GFRA1: variants seen among roughly 807,000 people sequenced by gnomAD.
The protein encoded by GFRA1 is GDNF family receptor alpha 1.
Under a neutral mutation model 51.6 loss-of-function variants are expected in GFRA1, and 16 were observed. The ratio of observed to expected loss-of-function variants is 0.31; its 90% CI spans 0.21 to 0.47. The LOEUF is 0.47. GFRA1 is among the 20% of genes least tolerant of loss of function. GFRA1 has a pLI of 1.00. For synonymous variants in GFRA1, 270 were observed against 241.3 expected, an observed-to-expected ratio of 1.12 and a Z score of -1.10; for missense variants, 530 against 594.3, an observed-to-expected ratio of 0.89 and a Z score of 1.13.
At chr10:116,261,756 C>A (rs141186099) in intron 4 of GFRA1, among the ~76,000 whole-genome samples, 1 of 152,142 alleles carries the variant, frequency 6.6e-6, no homozygotes, top group Non-Finnish European at 1.5e-5. Context: ...ATATACGGGC[C>A]CTTCAAAAAG....
chr10:116,065,933 C>T (rs1955088977), intron 9 of GFRA1, among the ~76,000 whole-genome samples: 1 of 152,174 alleles, frequency 6.6e-6, no homozygotes, highest in Non-Finnish European at 1.5e-5. Flanking sequence ...TGGCATGGAA[C>T]ATCTCAATTC....
chr10:116,150,565 T>C (rs1959020597), intron 5 of GFRA1, among the ~76,000 whole-genome samples: 1 of 152,238 alleles, frequency 6.6e-6, no homozygotes. Flanking sequence ...CCAGTGGCAC[T>C]TGTGGCTGCA....
intron 5 of GFRA1, among the ~76,000 whole-genome samples, chr10:116,202,559 T>G (rs1964421592): frequency 6.6e-6 from 1 of 152,122 alleles, no homozygotes; most frequent in South Asian, 2.1e-4. Context: ...AGACTTTCAC[T>G]GACCCACAGG....
chr10:116,117,128 T>A, intron 6 of GFRA1, among the ~76,000 whole-genome samples: 1 of 152,204 alleles, frequency 6.6e-6, no homozygotes, highest in Admixed American at 6.5e-5. Context: ...GCCACTCCAC[T>A]GATCATCCCC....
intron 9 of GFRA1, among the ~76,000 whole-genome samples, chr10:116,079,075 C>T (rs946937028): frequency 5.9e-5 from 9 of 152,058 alleles, no homozygotes; most frequent in Middle Eastern, 3.4e-3. Flanking sequence ...AATCATCCAG[C>T]GCGCTGGATG....
intron 6 of GFRA1, among the ~76,000 whole-genome samples, chr10:116,111,909 G>A (rs866334314): frequency 3.3e-5 from 5 of 152,274 alleles, no homozygotes; most frequent in Admixed American, 6.5e-5. Flanking sequence ...GCACAGCACC[G>A]GTGACTGTCC....
chr10:116,234,142 TTTG>T (rs1220934450), intron 4 of GFRA1, among the ~76,000 whole-genome samples: 1 of 152,214 alleles, frequency 6.6e-6, no homozygotes, highest in African/African-American at 2.4e-5. Flanking sequence ...CTCAACTGTC[TTTG>T]TTGTTGTTGT....
chr10:116,212,199 A>G (rs1012360285), intron 4 of GFRA1, among the ~76,000 whole-genome samples: 2 of 152,072 alleles, frequency 1.3e-5, no homozygotes, highest in African/African-American at 4.8e-5. Context: ...TAAATACCCT[A>G]AATGCCAATT....
At chr10:116,156,555 C>T (rs756315730) in intron 5 of GFRA1, among the ~76,000 whole-genome samples, 1 of 152,202 alleles carries the variant, frequency 6.6e-6, no homozygotes, top group African/African-American at 2.4e-5. Flanking sequence ...TCCATCCCCA[C>T]TCATTCTTTA....
intron 4 of GFRA1, among the ~76,000 whole-genome samples, chr10:116,267,940 AACAC>A (rs58079628): frequency 0.3 from 44,379 of 146,238 alleles, 7,586 homozygotes; most frequent in Non-Finnish European, 0.4. Flanking sequence ...CTGACAGACT[AACAC>A]ACACACACAC....
At chr10:116,247,136 C>G (rs902073350) in intron 4 of GFRA1, among the ~76,000 whole-genome samples, 1 of 152,120 alleles carries the variant, frequency 6.6e-6, no homozygotes, top group African/African-American at 2.4e-5. Context: ...CCGACCCCTG[C>G]CCCATCTCAG....
In GFRA1 at chr10:116,270,817, C is replaced by A. The variant is rs772265596; in HGVS notation, c.334+5G>T. ...CGGGGTGGGGTGGGGAGGTTCCACG[C>A]GTACCCTGCAGGCTCTGGTACATGC... On this transcript the variant is annotated splice_donor_5th_base_variant and intron_variant, in intron 3 of 10. Transcript: ENST00000355422. 6.2e-7 allele frequency: 1 copy of A among 1,609,588 alleles called. No homozygotes were observed. The highest frequency in any genetic ancestry group is 8.5e-7 in the Non-Finnish European group (1 of 1,177,174).
At chr10:116,075,437 G>C (rs1404714533) in intron 9 of GFRA1, among the ~76,000 whole-genome samples, 1 of 152,146 alleles carries the variant, frequency 6.6e-6, no homozygotes, top group African/African-American at 2.4e-5. Context: ...CTGTCCTGGA[G>C]GCTGAGTTAC....
chr10:116,166,830 C>T (rs1424206690), intron 5 of GFRA1, among the ~76,000 whole-genome samples: 1 of 120,880 alleles, frequency 8.3e-6, no homozygotes, highest in East Asian at 2.5e-4. Flanking sequence ...GACGGAGTCT[C>T]CCTCTGTGGC....
chr10:116,094,838 A>ACTT (rs1308118643), intron 7 of GFRA1, among the ~76,000 whole-genome samples: 15 of 152,194 alleles, frequency 9.9e-5, no homozygotes, highest in African/African-American at 3.4e-4. Context: ...GGAACTCCTA[A>ACTT]CTTTGGTTGA....
Position 116,060,673 on chromosome 10 carries a change from A to G in GFRA1, c.*3725T>C, listed in dbSNP as rs1443435224. The stretch of plus-strand genomic sequence containing the variant: ...ATAGTCTGATGTGCTTTATCAAAGA[A>G]CAGAGGCAAGAGCAAGACAGATCAT... On this transcript the variant is annotated 3_prime_UTR_variant, in exon 11 of 11. Transcript: ENST00000355422. 1 of 152,206 alleles carries G rather than the reference A, an allele frequency of 6.6e-6. No individual in the cohort carries two copies. Among genetic ancestry groups the G allele is most frequent in the East Asian group, 1.9e-4 (1 of 5,180 alleles). The allele number at this position is 152,206 out of a possible 1,614,324, so 9.4% of individuals were successfully genotyped here. A position where few individuals can be genotyped will look rare whatever the true frequency, so the allele number is the denominator to read the frequency against.
chr10:116,233,196 C>T (rs1478353163), intron 4 of GFRA1, among the ~76,000 whole-genome samples: 6 of 151,930 alleles, frequency 3.9e-5, no homozygotes, highest in African/African-American at 4.8e-5. Context: ...GGAATGGTGG[C>T]GCACACCTGT....
At chr10:116,127,655 C>T (rs990442691) in intron 5 of GFRA1, among the ~76,000 whole-genome samples, 1 of 152,334 alleles carries the variant, frequency 6.6e-6, no homozygotes, top group South Asian at 2.1e-4. Flanking sequence ...TTTCCACACT[C>T]AGGCTTCTCA....
intron 5 of GFRA1, among the ~76,000 whole-genome samples, chr10:116,176,716 C>T (rs1277338010): frequency 1.6e-4 from 20 of 122,846 alleles, no homozygotes. Flanking sequence ...CTCCCTCCCT[C>T]CCTCCCTCCC....
Sources: allele counts gnomAD v4.1 joint callset (sites outside exome capture counted in the v4.1 genomes callset), GRCh38; gene constraint gnomAD v4.1.1; transcripts MANE v1.5; gene names NCBI Gene and HGNC (gene_info 2026-07-23, HGNC 2026-07-21).